PTPRQ: variants seen among roughly 807,000 people sequenced by gnomAD.
PTPRQ encodes the protein phosphatidylinositol phosphatase PTPRQ.
A neutral mutation model predicts 246.0 loss-of-function variants in PTPRQ; 199 were observed. That is an observed-to-expected ratio of 0.81 (90% CI 0.72 to 0.91). PTPRQ has a LOEUF of 0.91. Among genes scored for constraint, PTPRQ ranks in the 40% least tolerant of loss-of-function variants. The pLI, the probability that PTPRQ is intolerant of heterozygous loss-of-function variation, is 0.00. For synonymous variants in PTPRQ, 869 were observed against 853.2 expected, an observed-to-expected ratio of 1.02 and a Z score of -0.32; for missense variants, 2,624 against 2,528.4, an observed-to-expected ratio of 1.04 and a Z score of -0.81.
intron 39 of PTPRQ, among the ~76,000 whole-genome samples, chr12:80,663,713 C>T (rs914541704): frequency 1.3e-5 from 2 of 151,970 alleles, no homozygotes; most frequent in African/African-American, 2.4e-5. Flanking sequence ...GACCTCTTCT[C>T]TTGCAGTGAC....
chr12:80,475,439 A>G (rs1893779427), intron 8 of PTPRQ, among the ~76,000 whole-genome samples: 1 of 152,070 alleles, frequency 6.6e-6, no homozygotes. Context: ...CGACTTGAGA[A>G]TGACTCTTAG....
intron 8 of PTPRQ, 56 bp from the exon 9 acceptor site, chr12:80,484,377 T>A: frequency 6.8e-7 from 1 of 1,465,968 alleles, no homozygotes; most frequent in Admixed American, 2.8e-5. Flanking sequence ...CTTTTTTCAC[T>A]TGAAAAAATA....
chr12:80,497,626 T>C (rs1044934109), intron 14 of PTPRQ, among the ~76,000 whole-genome samples: 3 of 152,132 alleles, frequency 2.0e-5, no homozygotes, highest in Non-Finnish European at 2.9e-5. Flanking sequence ...ACTTGTGTTT[T>C]AGTTTCGGTG....
At chr12:80,468,339 TATCCAGACTTTGTTC>T (rs1163553658) in intron 6 of PTPRQ, among the ~76,000 whole-genome samples, 2 of 152,186 alleles carry the variant, frequency 1.3e-5, no homozygotes, top group Non-Finnish European at 2.9e-5. Context: ...TCAAGCCAGA[TATCCAGACTTTGTTC>T]ATCCAGACTT....
chr12:80,611,527 T>C (rs1898550582), intron 28 of PTPRQ, among the ~76,000 whole-genome samples: 1 of 150,366 alleles, frequency 6.7e-6, no homozygotes, highest in Non-Finnish European at 1.5e-5. Context: ...ATCACAGGTA[T>C]CTATTTTCTG....
At chr12:80,671,754 GT>G (rs983778095) in intron 42 of PTPRQ, among the ~76,000 whole-genome samples, 1 of 152,022 alleles carries the variant, frequency 6.6e-6, no homozygotes, top group African/African-American at 2.4e-5. Context: ...CCCCTGCTCT[GT>G]TGTTCCTATC....
At chr12:80,530,197 T>A (rs940898701) in intron 17 of PTPRQ, among the ~76,000 whole-genome samples, 3 of 152,212 alleles carry the variant, frequency 2.0e-5, no homozygotes, top group African/African-American at 7.2e-5. Context: ...TCTCTTTTTT[T>A]ATACTGTGGT....
chr12:80,461,132 C>G (rs762950070), intron 6 of PTPRQ, among the ~76,000 whole-genome samples: 1 of 152,182 alleles, frequency 6.6e-6, no homozygotes, highest in Non-Finnish European at 1.5e-5. Context: ...TCTTGAGCCA[C>G]TGACCGTGAT....
At chr12:80,582,079 A>G (rs1308703526) in intron 25 of PTPRQ, among the ~76,000 whole-genome samples, 5 of 152,218 alleles carry the variant, frequency 3.3e-5, no homozygotes, top group Admixed American at 6.5e-5. Flanking sequence ...GGAATATGAA[A>G]GCATAGGCTT....
In PTPRQ at chr12:80,522,945, C is replaced by T. The variant is rs187457768; in HGVS notation, c.2679-11070C>T. 5.8e-3 allele frequency among the ~76,000 whole-genome samples: 888 copies of T among 152,238 alleles called. 9 individuals carry two copies. The highest frequency in any genetic ancestry group is 0.021 in the African/African-American group (862 of 41,554). Reference sequence around the variant, plus strand: ...ATAGTTTCAGAAGGAATGGTACCAGCTCCTCCTTGTACCTCTGGTAGAATT... The same window carrying T: ...ATAGTTTCAGAAGGAATGGTACCAGTTCCTCCTTGTACCTCTGGTAGAATT... On this transcript the variant is annotated intron_variant, in intron 17 of 44. Coordinates refer to ENST00000644991, the MANE Select transcript of PTPRQ (RefSeq NM_001145026.2).
At position 80,542,120 on chromosome 12, in the gene PTPRQ, T is replaced by A; in HGVS notation, c.3477T>A (p.Phe1159Leu). Reference sequence around the variant, plus strand: ...AAACTTCACCAATAATCAACACTTTTAAAAACCTTTCCTCTACCTCAGTTC... The same window carrying A: ...AAACTTCACCAATAATCAACACTTTAAAAAACCTTTCCTCTACCTCAGTTC... Reference protein sequence around the residue: ...VPETSPIINTFKNLSSTSVLL... With the variant: ...VPETSPIINTLKNLSSTSVLL... The change falls in exon 22 of 45, where the codon TTT (phenylalanine) becomes TTA (leucine). Residue 1159 changes from phenylalanine (F) to leucine (L), a missense_variant. Phe to Leu is a conservative substitution (Grantham distance 22). Coordinates refer to ENST00000644991, the MANE Select transcript of PTPRQ (RefSeq NM_001145026.2). 1.3e-6 allele frequency: 2 copies of A among 1,549,786 alleles called. No individual in the cohort carries two copies. Among genetic ancestry groups the A allele is most frequent in the African/African-American group, 1.4e-5 (1 of 73,078 alleles).
Position 80,468,850 on chromosome 12 carries a change from T to C in PTPRQ, c.1039+12T>C. On this transcript the variant is annotated intron_variant, in intron 7 of 44. Transcript: ENST00000644991. ...ATATGGACCATCAGGTAAGCCTTAA[T>C]TGGTTTTGTGTTTGCCTTTTGGAGT... 9 of 1,544,858 alleles carry C rather than the reference T, an allele frequency of 5.8e-6. No homozygotes were observed. The highest frequency in any genetic ancestry group is 1.7e-4 in the Middle Eastern group (1 of 5,964).
chr12:80,553,934 A>G (rs112144713), intron 25 of PTPRQ, among the ~76,000 whole-genome samples: 4,928 of 152,280 alleles, frequency 0.032, 253 homozygotes, highest in African/African-American at 0.11. Flanking sequence ...GGAGGACATT[A>G]TGTTAAGTGA....
chr12:80,644,061 G>A (rs1375364027), intron 35 of PTPRQ, among the ~76,000 whole-genome samples: 1 of 152,104 alleles, frequency 6.6e-6, no homozygotes, highest in African/African-American at 2.4e-5. Flanking sequence ...TCTCTATTAG[G>A]ACTATATTTT....
intron 23 of PTPRQ, among the ~76,000 whole-genome samples, chr12:80,546,352 G>T (rs927052452): frequency 3.9e-5 from 6 of 151,908 alleles, no homozygotes; most frequent in Admixed American, 3.9e-4. Flanking sequence ...GGGAAAAGAA[G>T]GTGCCCAATT....
At chr12:80,516,090 G>A (rs1895291160) in intron 17 of PTPRQ, among the ~76,000 whole-genome samples, 1 of 151,968 alleles carries the variant, frequency 6.6e-6, no homozygotes, top group African/African-American at 2.4e-5. Flanking sequence ...AATTCCTAGG[G>A]CAACCACCAT....
At chr12:80,582,420 A>T (rs1346292824) in intron 25 of PTPRQ, among the ~76,000 whole-genome samples, 1 of 152,024 alleles carries the variant, frequency 6.6e-6, no homozygotes, top group East Asian at 1.9e-4. Flanking sequence ...TGTAGTCCTA[A>T]CTCCCTGTGT....
At chr12:80,572,570 C>G (rs1897175746) in intron 25 of PTPRQ, among the ~76,000 whole-genome samples, 1 of 152,056 alleles carries the variant, frequency 6.6e-6, no homozygotes, top group Admixed American at 6.6e-5. Flanking sequence ...GTGATAAAAG[C>G]CAATATCCTT....
At chr12:80,561,804 AAAT>A (rs1428130084) in intron 25 of PTPRQ, among the ~76,000 whole-genome samples, 1 of 152,048 alleles carries the variant, frequency 6.6e-6, no homozygotes, top group African/African-American at 2.4e-5. Flanking sequence ...CACTGACTAG[AAAT>A]TTAGCTCTAT....
Sources: gnomAD v4.1 joint callset for allele counts (sites outside exome capture counted in the v4.1 genomes callset) on GRCh38, gnomAD v4.1.1 for gene constraint, MANE v1.5 for transcripts, NCBI Gene and HGNC (gene_info 2026-07-23, HGNC 2026-07-21) for gene names.